Variants in METTL15 observed in about 807,000 individuals in gnomAD.
METTL15 encodes methyltransferase 15, mitochondrial 12S rRNA N4-cytidine.
A neutral mutation model predicts 38.3 loss-of-function variants in METTL15; 34 were observed. The observed-to-expected ratio is 0.89, with a 90% CI of 0.68 to 1.18. The LOEUF (loss-of-function observed/expected upper bound fraction) is 1.18. Ranked by LOEUF, METTL15 falls within the 50% of genes most tolerant of loss-of-function variation. The pLI is 0.00. For synonymous variants in METTL15, 162 were observed against 170.9 expected (o/e 0.95, Z 0.41); for missense variants, 438 against 498.4 (o/e 0.88, Z 1.15).
chr11:28,258,255 T>A (rs1855053218), intron 4 of METTL15, among the ~76,000 whole-genome samples: 1 of 152,190 alleles, frequency 6.6e-6, no homozygotes, highest in Non-Finnish European at 1.5e-5. Flanking sequence ...TGTTCTGAGC[T>A]ACCTGGAGCT....
rs535644122 is a variant in METTL15, at chr11:28,354,964, G to C, written c.*258+2806G>C. On this transcript the variant is annotated intron_variant and NMD_transcript_variant, in intron 4 of 7. Transcript: ENST00000532947. ...TCATCAATACAGAGGTGAGTGAGAG[G>C]ACCTTTCCCTTAACAAAGAAATAAT... is the stretch of plus-strand genomic sequence containing the variant. Among the ~76,000 whole-genome samples the C allele has an allele frequency of 2.0e-5, 3 of 152,174 alleles. No individual in the cohort carries two copies. In the South Asian group the frequency reaches 6.2e-4, roughly 32 times the overall value.
chr11:28,220,860 TG>T (rs1341392963), intron 4 of METTL15, among the ~76,000 whole-genome samples: 7 of 152,188 alleles, frequency 4.6e-5, no homozygotes, highest in Non-Finnish European at 7.4e-5. Context: ...GATTGAAAAT[TG>T]TTTTCTTTAA....
chr11:28,183,622 TG>T (rs1278142847), intron 3 of METTL15, among the ~76,000 whole-genome samples: 1 of 152,224 alleles, frequency 6.6e-6, no homozygotes, highest in East Asian at 1.9e-4. Flanking sequence ...TTGATCGTGG[TG>T]GATAAGCTTT....
chr11:28,468,035 A>G, intron 6 of METTL15, among the ~76,000 whole-genome samples: 1 of 148,986 alleles, frequency 6.7e-6, no homozygotes, highest in East Asian at 2.0e-4. Context: ...CTTGAACATA[A>G]CAATCTAAGC....
At chr11:28,372,310 T>C (rs578200711) in intron 5 of METTL15, among the ~76,000 whole-genome samples, 162 of 152,236 alleles carry the variant, frequency 1.1e-3, no homozygotes, top group African/African-American at 3.9e-3. Context: ...CCTCGTTGCA[T>C]CCCTGGGAAG....
intron 6 of METTL15, among the ~76,000 whole-genome samples, chr11:28,444,896 T>C (rs1206166533): frequency 6.6e-6 from 1 of 152,182 alleles, no homozygotes; most frequent in Non-Finnish European, 1.5e-5. Flanking sequence ...TTTTGCTTTG[T>C]TCAGTGTAAG....
intron 6 of METTL15, chr11:28,328,242 C>T (rs1257726375): frequency 1.5e-6 from 2 of 1,350,832 alleles, no homozygotes; most frequent in Non-Finnish European, 2.0e-6. Context: ...GAAGATAAAT[C>T]CCCTAGTGTC....
chr11:28,311,190 T>C (rs151105509), intron 6 of METTL15, among the ~76,000 whole-genome samples: 156 of 152,252 alleles, frequency 1.0e-3, no homozygotes, highest in Non-Finnish European at 1.8e-3. Context: ...TTAATGGTTA[T>C]GTGACTTTGG....
intron 4 of METTL15, among the ~76,000 whole-genome samples, chr11:28,268,196 CAAAAAAAAAAAAAAAA>C (rs71050954): frequency 1.6e-5 from 1 of 64,174 alleles, no homozygotes. Flanking sequence ...GACTCCGTCT[CAAAAAAAAAAAAAAAA>C]AAAAAAAAGA....
intron 3 of METTL15, among the ~76,000 whole-genome samples, chr11:28,162,198 C>A (rs1016054875): frequency 4.2e-4 from 64 of 152,146 alleles, no homozygotes; most frequent in Non-Finnish European, 6.5e-4. Context: ...GTTCAGGCAG[C>A]CAGGCTCTAG....
intron 4 of METTL15, among the ~76,000 whole-genome samples, chr11:28,268,196 CAAAAAA>C (rs71050954): frequency 1.2e-4 from 8 of 64,172 alleles, no homozygotes; most frequent in Non-Finnish European, 1.5e-4. Flanking sequence ...GACTCCGTCT[CAAAAAA>C]AAAAAAAAAA....
At chr11:28,381,824 A>T (rs1364926823) in intron 5 of METTL15, among the ~76,000 whole-genome samples, 1 of 152,122 alleles carries the variant, frequency 6.6e-6, no homozygotes, top group Non-Finnish European at 1.5e-5. Context: ...ATTCTTGGTC[A>T]GATAATTCAC....
At chr11:28,168,547 A>T (rs1207731654) in intron 3 of METTL15, among the ~76,000 whole-genome samples, 2 of 151,736 alleles carry the variant, frequency 1.3e-5, no homozygotes, top group Non-Finnish European at 2.9e-5. Flanking sequence ...TACATGTGCC[A>T]CGTTGGTGTG....
chr11:28,167,156 CAAAT>C (rs918465071), intron 3 of METTL15, among the ~76,000 whole-genome samples: 3 of 152,044 alleles, frequency 2.0e-5, no homozygotes, highest in African/African-American at 4.8e-5. Flanking sequence ...CTTATTTAAA[CAAAT>C]GAATGTGGCT....
At chr11:28,262,450 T>C (rs1020179698) in intron 4 of METTL15, among the ~76,000 whole-genome samples, 1 of 151,716 alleles carries the variant, frequency 6.6e-6, no homozygotes, top group Non-Finnish European at 1.5e-5. Context: ...TCATAGTTAC[T>C]ACATAGTCTT....
At chr11:28,353,701 G>A (rs1850061793) in intron 4 of METTL15, among the ~76,000 whole-genome samples, 1 of 151,906 alleles carries the variant, frequency 6.6e-6, no homozygotes, top group African/African-American at 2.4e-5. Context: ...CGAGGCGGGT[G>A]GATCATGAGG....
chr11:28,378,960 A>C (rs770734131), intron 5 of METTL15, among the ~76,000 whole-genome samples: 71 of 151,894 alleles, frequency 4.7e-4, no homozygotes, highest in Non-Finnish European at 8.8e-4. Context: ...TAAGTTGTAT[A>C]TGTCCAGGAC....
At chr11:28,472,147 GTCCCCTTAA>G (rs1851309155) in intron 6 of METTL15, among the ~76,000 whole-genome samples, 1 of 152,080 alleles carries the variant, frequency 6.6e-6, no homozygotes, top group African/African-American at 2.4e-5. Context: ...AAAAGAAATA[GTCCCCTTAA>G]TTAGCACATG....
chr11:28,376,209 T>A (rs1414833757), intron 5 of METTL15, among the ~76,000 whole-genome samples: 1 of 152,008 alleles, frequency 6.6e-6, no homozygotes, highest in Non-Finnish European at 1.5e-5. Flanking sequence ...TGAGTTCAAT[T>A]CGTGGGTATC....
Sources: allele counts gnomAD v4.1 joint callset (sites outside exome capture counted in the v4.1 genomes callset), GRCh38; gene constraint gnomAD v4.1.1; transcripts MANE v1.5; gene names NCBI Gene and HGNC (gene_info 2026-07-23, HGNC 2026-07-21).